The following HAVCR1 variants were observed in gnomAD, a reference collection of about 807,000 sequenced individuals.
HAVCR1 encodes hepatitis A virus cellular receptor 1.
A neutral mutation model predicts 32.0 loss-of-function variants in HAVCR1; 34 were observed. That is an observed-to-expected ratio of 1.06 (90% CI 0.81 to 1.42). The LOEUF is 1.42. Among genes scored for constraint, HAVCR1 ranks in the 40% most tolerant of loss-of-function variants. The pLI is 0.00. For synonymous variants in HAVCR1, 178 were observed against 170.3 expected, an observed-to-expected ratio of 1.05 and a Z score of -0.35; for missense variants, 420 against 442.3, an observed-to-expected ratio of 0.95 and a Z score of 0.45.
rs192709555 is a variant in HAVCR1 at position 157,052,383 on chromosome 5, C to T, written c.651G>A (p.Leu217=). 3.2e-5 allele frequency: 52 copies of T among 1,614,144 alleles called. No homozygotes were observed. The highest frequency in any genetic ancestry group is 8.5e-7 in the Non-Finnish European group (1 of 1,180,006). Residue 217 remains leucine (L), a synonymous_variant, in exon 4 of 9, where the codon TTG becomes TTA. Transcript: ENST00000523175. ...TVSTFVPPMP[L]PRQNHEPVAT... ...TACCTGGTTCATGGTTCTGCCTGGG[C>T]AAAGGCATTGGAGGAACAAAGGTAG...
At chr5:157,042,389 C>G (rs921589120) in intron 6 of HAVCR1, among the ~76,000 whole-genome samples, 1 of 141,390 alleles carries the variant, frequency 7.1e-6, no homozygotes, top group African/African-American at 2.7e-5. Flanking sequence ...TTACAGTGAG[C>G]AGAGATTGCA....
chr5:157,044,632 A>G (rs1309536234), intron 5 of HAVCR1, among the ~76,000 whole-genome samples: 3 of 78,582 alleles, frequency 3.8e-5, no homozygotes, highest in African/African-American at 1.0e-4. Context: ...AAAGAAAGAA[A>G]GAAAGAAAGA....
intron 6 of HAVCR1, among the ~76,000 whole-genome samples, chr5:157,040,587 T>C (rs969112837): frequency 2.6e-5 from 4 of 152,236 alleles, no homozygotes; most frequent in African/African-American, 7.2e-5. Flanking sequence ...TGTCATTTCT[T>C]ACAACTGGCT....
the HAVCR1 span, among the ~76,000 whole-genome samples, chr5:157,067,391 C>A: frequency 7.2e-5 from 11 of 152,182 alleles, no homozygotes; most frequent in Non-Finnish European, 1.3e-4. Context: ...AACCAAATTG[C>A]TTATACTCAC....
chr5:157,033,411 C>T (rs543297747), intron 7 of HAVCR1, among the ~76,000 whole-genome samples: 1 of 152,068 alleles, frequency 6.6e-6, no homozygotes, highest in Non-Finnish European at 1.5e-5. Context: ...CTCAAATAGG[C>T]TTCTTTGGAA....
intron 4 of HAVCR1, among the ~76,000 whole-genome samples, chr5:157,051,852 T>C (rs145860265): frequency 2.3e-4 from 35 of 152,346 alleles, no homozygotes; most frequent in African/African-American, 7.7e-4. Context: ...CTACAGTGGA[T>C]ATAATTATCC....
At chr5:157,061,044 C>T (rs561893997), upstream of HAVCR1, among the ~76,000 whole-genome samples, 2 of 152,032 alleles carry the variant, frequency 1.3e-5, no homozygotes, top group Non-Finnish European at 2.9e-5. Context: ...ACTACAGACA[C>T]GCGCCACCAT....
At chr5:157,035,178 A>G (rs566124513) in intron 7 of HAVCR1, among the ~76,000 whole-genome samples, 1 of 149,070 alleles carries the variant, frequency 6.7e-6, no homozygotes, top group Non-Finnish European at 1.5e-5. Context: ...CTAATAATCT[A>G]TTTTTTTTTT....
intron 7 of HAVCR1, among the ~76,000 whole-genome samples, chr5:157,035,617 C>T (rs1207239380): frequency 6.6e-6 from 1 of 151,918 alleles, no homozygotes; most frequent in Non-Finnish European, 1.5e-5. Flanking sequence ...CAATATCACC[C>T]CCACAGGGAA....
At chr5:157,061,843 G>T (rs1581740821), upstream of HAVCR1, among the ~76,000 whole-genome samples, 2 of 152,246 alleles carry the variant, frequency 1.3e-5, no homozygotes, top group East Asian at 3.9e-4. Flanking sequence ...ATGGGTGGAG[G>T]GTGTTTCAAC....
At position 157,053,144 on chromosome 5, in the gene HAVCR1, T is replaced by C. The variant is rs976428884; in HGVS notation, c.380-490A>G. 1.1e-4 allele frequency among the ~76,000 whole-genome samples: 16 copies of C among 152,194 alleles called. No individual in the cohort carries two copies. In the East Asian group the frequency reaches 3.1e-3, roughly 29 times the overall value. ...GCTCACGCCTGTAATCCCAGCACTT[T>C]ATGGGGCCAAGGTGGGTGGACTACT... On this transcript the variant is annotated intron_variant, in intron 3 of 8. Transcript: ENST00000523175.
At chr5:157,067,675 CTCTT>C in the HAVCR1 span, among the ~76,000 whole-genome samples, 4 of 151,648 alleles carry the variant, frequency 2.6e-5, no homozygotes, top group Admixed American at 6.6e-5. Flanking sequence ...CTCTCTCTCT[CTCTT>C]TTTCTTTATT....
rs750683624 is a variant in HAVCR1 at position 157,055,410 on chromosome 5, C to G, written c.170G>C (p.Cys57Ser). 9.9e-6 allele frequency: 16 copies of G among 1,612,942 alleles called. No homozygotes were observed. The highest frequency in any genetic ancestry group is 7.6e-6 in the Non-Finnish European group (9 of 1,179,030). Residue 57 changes from cysteine to serine, a missense_variant, in exon 3 of 9, where the codon TGC becomes TCC. Coordinates refer to ENST00000523175, the MANE Select transcript of HAVCR1 (RefSeq NM_001173393.3). ...ATTGGTCCAGACAATGCCATTTTGG[C>G]ATGTGAATAGAGAACATGAGCCTCT... ...WNRGSCSLFT[C>S]QNGIVWTNGT... is the part of the protein sequence containing the mutation.
In HAVCR1 at chr5:157,040,229, C is replaced by T. The variant is rs367854015; in HGVS notation, c.837+2398G>A. On this transcript the variant is annotated intron_variant, in intron 6 of 8. Transcript: ENST00000523175. ...AGGAGAATTGCTTGAACCTGGGAGG[C>T]GGAGGTTGCAGTGAGCCAAGATCGC... Among the ~76,000 whole-genome samples, 19 of 151,364 alleles carry T rather than the reference C, an allele frequency of 1.3e-4. No individual in the cohort carries two copies. The East Asian group carries it at 1.4e-3, about 11-fold the overall frequency.
At chr5:157,063,349 G>C (rs1456439333), upstream of HAVCR1, among the ~76,000 whole-genome samples, 1 of 142,592 alleles carries the variant, frequency 7.0e-6, no homozygotes, top group Admixed American at 7.3e-5. Context: ...GCAATGGCAC[G>C]ATCTCAGCTC....
intron 5 of HAVCR1, among the ~76,000 whole-genome samples, chr5:157,046,049 G>A (rs140562270): frequency 8.5e-5 from 13 of 152,234 alleles, no homozygotes; most frequent in East Asian, 3.9e-4. Context: ...AACAGTTTGC[G>A]CTGAGGATTA....
At chr5:157,056,631 T>C (rs373981853) in intron 2 of HAVCR1, among the ~76,000 whole-genome samples, 114 of 150,388 alleles carry the variant, frequency 7.6e-4, no homozygotes, top group Middle Eastern at 3.5e-3. Flanking sequence ...CTGCCCGCCT[T>C]GGCCTCCCAA....
chr5:157,030,640 C>G (rs958615853), intron 8 of HAVCR1, among the ~76,000 whole-genome samples: 1 of 152,076 alleles, frequency 6.6e-6, no homozygotes, highest in East Asian at 1.9e-4. Context: ...GCTGGAGACT[C>G]TGTCTCAAAA....
chr5:157,052,433 T>G lies in HAVCR1; in HGVS notation c.601A>C (p.Ser201Arg). Residue 201 changes from serine to arginine, a missense_variant, in exon 4 of 9, where the codon AGT becomes CGT. Ser to Arg is a moderately radical substitution (Grantham distance 110). Transcript: ENST00000523175. ...GAGACAGTTGTTGTCACTGGAACAC[T>G]TGTTGTTGTTGGAATGCTCGTTGTC... Reference protein sequence around the residue: ...PTTTSIPTTTSVPVTTTVSTF... With the variant: ...PTTTSIPTTTRVPVTTTVSTF... 1 of 1,024,868 alleles carries G rather than the reference T, an allele frequency of 9.8e-7. No homozygotes were observed. The highest frequency in any genetic ancestry group is 3.6e-4 in the Middle Eastern group (1 of 2,800). The allele number at this position is 1,024,868 out of a possible 1,614,324, so 63.5% of individuals were successfully genotyped here.
Sources: allele counts gnomAD v4.1 joint callset (sites outside exome capture counted in the v4.1 genomes callset), GRCh38; gene constraint gnomAD v4.1.1; transcripts MANE v1.5; gene names NCBI Gene and HGNC (gene_info 2026-07-23, HGNC 2026-07-21).